Variants in PLCE1 observed in about 807,000 individuals in gnomAD.
The protein encoded by PLCE1 is 1-phosphatidylinositol 4,5-bisphosphate phosphodiesterase epsilon-1.
In PLCE1, 119 loss-of-function variants were observed where a neutral mutation model predicts 242.8. The ratio of observed to expected loss-of-function variants is 0.49; its 90% CI spans 0.42 to 0.57. The LOEUF (loss-of-function observed/expected upper bound fraction) is 0.57. Ranked by LOEUF, PLCE1 falls within the 20% of genes least tolerant of loss-of-function variation. The probability of loss-of-function intolerance (pLI) is 0.00; values close to 1 mark genes in which losing one functional copy is unlikely to be tolerated. For missense variants in PLCE1, 2,441 were observed against 2,788.8 expected (o/e 0.88, Z 2.81); for synonymous variants, 945 against 1,017.4 (o/e 0.93, Z 1.35).
At position 94,324,899 on chromosome 10, in the gene PLCE1, G is replaced by T; in HGVS notation, c.6728G>T (p.Arg2243Leu). ...LKLKEQVQAS[R>L]EDKKKGISFA... The stretch of plus-strand genomic sequence containing the variant: ...GGTTCTTTGTTCCCACAGGCATCTC[G>T]AGAAGATAAAAAGAAAGGCATTTCT... Residue 2243 changes from arginine (R) to leucine (L), a missense_variant, in exon 32 of 33, where the codon CGA (arginine) becomes CTA (leucine). By Grantham distance (102) the Arg-to-Leu change is moderately radical. Transcript: ENST00000371380. 1.9e-6 allele frequency: 3 copies of T among 1,614,054 alleles called. No homozygotes were observed. The highest frequency in any genetic ancestry group is 1.1e-5 in the South Asian group (1 of 91,054).
At chr10:94,084,520 A>G (rs2044746807) in intron 2 of PLCE1, among the ~76,000 whole-genome samples, 1 of 152,184 alleles carries the variant, frequency 6.6e-6, no homozygotes, top group African/African-American at 2.4e-5. Context: ...ACATTCTGTG[A>G]AACCATAAAC....
intron 3 of PLCE1, among the ~76,000 whole-genome samples, chr10:94,166,860 G>A (rs1335739392): frequency 1.3e-5 from 2 of 152,142 alleles, no homozygotes; most frequent in Non-Finnish European, 2.9e-5. Context: ...AAATGGTGAG[G>A]ACTAAGAGCT....
rs1258326922 is a variant in PLCE1, at chr10:94,257,530, TC to T, written c.3555-1269del. Among the ~76,000 whole-genome samples the T allele has an allele frequency of 2.6e-5, 4 of 152,224 alleles. No individual in the cohort carries two copies. In the East Asian group the frequency reaches 5.8e-4, roughly 22 times the overall value. ...GACTTGGAACCAACCCAAATGTCCA[TC>T]AATGATAGACTGGATTAAGAAAATG... On this transcript the variant is annotated intron_variant, in intron 11 of 32. Transcript: ENST00000371380.
intron 5 of PLCE1, 80 bp from the exon 6 acceptor site, chr10:94,233,974 A>G (rs1294214680): frequency 1.5e-6 from 2 of 1,295,988 alleles, no homozygotes; most frequent in African/African-American, 3.0e-5. Context: ...AAAAGAATGA[A>G]TTTGTATGGA....
intron 2 of PLCE1, among the ~76,000 whole-genome samples, chr10:94,046,924 A>G (rs1419950112): frequency 1.3e-5 from 2 of 152,196 alleles, no homozygotes; most frequent in Non-Finnish European, 2.9e-5. Context: ...ATGTTTCAGC[A>G]TTTAGAACAG....
chr10:94,036,308 G>A (rs1352471229), intron 2 of PLCE1, among the ~76,000 whole-genome samples: 1 of 152,170 alleles, frequency 6.6e-6, no homozygotes, highest in Non-Finnish European at 1.5e-5. Flanking sequence ...ACTCAGGGAT[G>A]TTTACAGTGG....
At chr10:94,286,530 G>C (rs1272239326) in intron 22 of PLCE1, among the ~76,000 whole-genome samples, 3 of 151,966 alleles carry the variant, frequency 2.0e-5, no homozygotes, top group African/African-American at 7.2e-5. Flanking sequence ...TCACACATCA[G>C]AGTAAAAAAA....
At chr10:94,304,008 G>GA (rs1337484568) in intron 24 of PLCE1, among the ~76,000 whole-genome samples, 14 of 150,082 alleles carry the variant, frequency 9.3e-5, no homozygotes, top group African/African-American at 2.9e-4. Context: ...GCTCCCAGGG[G>GA]AAAAAAAAAG....
intron 2 of PLCE1, among the ~76,000 whole-genome samples, chr10:94,106,410 G>A (rs1039585732): frequency 6.6e-6 from 1 of 152,090 alleles, no homozygotes; most frequent in Non-Finnish European, 1.5e-5. Context: ...ACTCTTGTAT[G>A]GATACACACC....
intron 2 of PLCE1, among the ~76,000 whole-genome samples, chr10:94,072,984 C>T (rs779047597): frequency 2.0e-5 from 3 of 152,112 alleles, no homozygotes; most frequent in Non-Finnish European, 2.9e-5. Flanking sequence ...CTAGCATTTC[C>T]AGCTGCAGAG....
At chr10:94,186,993 C>T (rs2048497946) in intron 4 of PLCE1, among the ~76,000 whole-genome samples, 1 of 152,028 alleles carries the variant, frequency 6.6e-6, no homozygotes, top group African/African-American at 2.4e-5. Flanking sequence ...GGAGCCATGG[C>T]TTTATTTTAC....
intron 2 of PLCE1, chr10:94,096,439 A>G (rs1590010125): frequency 1.3e-5 from 2 of 152,208 alleles, no homozygotes; most frequent in South Asian, 2.1e-4. Context: ...GGAAGCAAAC[A>G]TGTCCTTCAC....
chr10:94,280,020 T>C lies in PLCE1; in HGVS notation c.4795+109T>C, dbSNP rs567575016. ...CGCCAAAGACCAGTAATACGGATGG[T>C]TGTAATATTGTCCAGGAGTTTCTGA... On this transcript the variant is annotated intron_variant, in intron 20 of 32. Coordinates refer to ENST00000371380, the MANE Select transcript of PLCE1 (RefSeq NM_016341.4). 1.8e-4 allele frequency: 198 copies of C among 1,114,594 alleles called. No homozygotes were observed. The African/African-American group carries it at 2.6e-3, about 15-fold the overall frequency. 69.0% of individuals were successfully genotyped at this position (1,114,594 alleles called of 1,614,324 possible). A position where few individuals can be genotyped will look rare whatever the true frequency, so the allele number is the denominator to read the frequency against.
intron 4 of PLCE1, among the ~76,000 whole-genome samples, chr10:94,188,593 GTTTGTTTTGT>G (rs546953682): frequency 4.9e-4 from 75 of 152,174 alleles, no homozygotes; most frequent in Non-Finnish European, 9.1e-4. Context: ...TTGTTCGTTT[GTTTGTTTTGT>G]TTTGTTTTGT....
chr10:94,325,405 G>C (rs2053972940), intron 32 of PLCE1: 2 of 302,194 alleles, frequency 6.6e-6, no homozygotes, highest in South Asian at 6.4e-5. Context: ...AGACCAGCCT[G>C]ACCAACATGG....
chr10:94,324,522 G>A lies in PLCE1; in HGVS notation c.6675G>A (p.Trp2225Ter). The A allele has an allele frequency of 6.2e-7, 1 of 1,614,180 alleles. No individual in the cohort carries two copies. Among genetic ancestry groups the A allele is most frequent in the Non-Finnish European group, 8.5e-7 (1 of 1,180,018 alleles). ...QECVFQAQSK[W>*]KGAGKFILKL... ...GTGTGTTTCAAGCCCAAAGCAAGTG[G>A]AAAGGTGCAGGAAAATTCATCCTTA... is the stretch of plus-strand genomic sequence containing the variant. Residue 2225 changes from tryptophan (W) to a stop codon, truncating the protein, a stop_gained, in exon 31 of 33, where the codon TGG becomes TGA. Coordinates refer to ENST00000371380, the MANE Select transcript of PLCE1 (RefSeq NM_016341.4). LOFTEE classifies it high-confidence loss of function.
intron 2 of PLCE1, among the ~76,000 whole-genome samples, chr10:94,046,482 A>G (rs1386875422): frequency 6.6e-6 from 1 of 152,180 alleles, no homozygotes; most frequent in East Asian, 1.9e-4. Context: ...ATCAGGTCCA[A>G]CCCTTCATTT....
chr10:94,271,306 CTTTTTTTT>C (rs35048796), intron 18 of PLCE1, among the ~76,000 whole-genome samples: 1 of 73,316 alleles, frequency 1.4e-5, no homozygotes, highest in Non-Finnish European at 2.6e-5. Context: ...AGAAGATCAT[CTTTTTTTT>C]TTTTTTTTTT....
Position 94,306,965 on chromosome 10 carries a change from CG to C in PLCE1, c.5884+279del, listed in dbSNP as rs2053225317. On this transcript the variant is annotated intron_variant, in intron 26 of 32. Transcript: ENST00000371380. The surrounding 1 kb of genome is among the most constrained non-coding windows in gnomAD (Gnocchi z 5.7). ...CAGGAGCAGTGGTTGTTGCTACCCA[CG>C]GCACTGCTGGCAGTTTGAAAGCAGG... Among the ~76,000 whole-genome samples the C allele has an allele frequency of 6.6e-6, 1 of 152,170 alleles. No individual in the cohort carries two copies. Among genetic ancestry groups the C allele is most frequent in the Admixed American group, 6.5e-5 (1 of 15,278 alleles).
Sources: allele counts gnomAD v4.1 joint callset (sites outside exome capture counted in the v4.1 genomes callset), GRCh38; gene constraint gnomAD v4.1.1; non-coding constraint Gnocchi (gnomAD v3.1); transcripts MANE v1.5; gene names NCBI Gene and HGNC (gene_info 2026-07-23, HGNC 2026-07-21).